Variants in WDPCP observed in about 807,000 individuals in gnomAD.
WDPCP encodes WD repeat-containing and planar cell polarity effector protein fritz homolog.
In WDPCP, 71 loss-of-function variants were observed where a neutral mutation model predicts 93.1. The ratio of observed to expected loss-of-function variants is 0.76; its 90% CI spans 0.63 to 0.93. The LOEUF is 0.93. Among genes scored for constraint, WDPCP ranks in the 40% least tolerant of loss-of-function variants. The probability of loss-of-function intolerance (pLI) is 0.00; values close to 1 mark genes in which losing one functional copy is unlikely to be tolerated. For missense variants in WDPCP, 844 were observed against 887.4 expected (o/e 0.95, Z 0.62); for synonymous variants, 315 against 315.0 (o/e 1.00, Z 0.00).
At chr2:63,435,253 A>G (rs1210689779) in intron 8 of WDPCP, among the ~76,000 whole-genome samples, 1 of 152,126 alleles carries the variant, frequency 6.6e-6, no homozygotes, top group Non-Finnish European at 1.5e-5. Context: ...TTACTCTGCA[A>G]TTTTCTTTGC....
rs200170138 is a variant in WDPCP at position 63,486,575 on chromosome 2, C to G, written c.220G>C (p.Gly74Arg). ...AGCTTCTGCTTCTTTTCTAAGTTAC[C>G]ATGCTCTGTCGCTGATATTGTGGCA... is the stretch of plus-strand genomic sequence containing the variant. ...DKKDPPATEH[G>R]NLEKKQKLAE... Residue 74 changes from glycine (G) to arginine (R), a missense_variant, in exon 4 of 18, where the codon GGT (glycine) becomes CGT (arginine). Physicochemically the swap from Gly to Arg is moderately radical, Grantham distance 125 (BLOSUM62 -2). Coordinates refer to ENST00000272321, the MANE Select transcript of WDPCP (RefSeq NM_015910.7). The G allele has an allele frequency of 4.7e-4, 733 of 1,575,774 alleles. No homozygotes were observed. The highest frequency in any genetic ancestry group is 5.2e-4 in the Non-Finnish European group (603 of 1,157,558).
At chr2:63,571,273 T>C in intron 1 of WDPCP, 1 of 420,156 alleles carries the variant, frequency 2.4e-6, no homozygotes, top group South Asian at 1.8e-5. Flanking sequence ...ATCAGTGTAC[T>C]ATATTTACAT....
intron 2 of WDPCP, among the ~76,000 whole-genome samples, chr2:63,773,153 A>G (rs1177874024): frequency 6.6e-6 from 1 of 152,088 alleles, no homozygotes; most frequent in Non-Finnish European, 1.5e-5. Flanking sequence ...TTACAGCAGC[A>G]TTATTTATAA....
At chr2:63,476,118 T>C (rs1374504082) in intron 6 of WDPCP, among the ~76,000 whole-genome samples, 2 of 152,142 alleles carry the variant, frequency 1.3e-5, no homozygotes, top group African/African-American at 4.8e-5. Context: ...TTGAAATGAT[T>C]TCAGGGCCTC....
chr2:63,392,022 T>C (rs1228100351), intron 10 of WDPCP, among the ~76,000 whole-genome samples: 2 of 152,092 alleles, frequency 1.3e-5, no homozygotes, highest in African/African-American at 4.8e-5. Context: ...CTTCACAGAA[T>C]TGGAAAAAAC....
chr2:63,233,023 A>G (rs1022361312), intron 14 of WDPCP: 4 of 157,022 alleles, frequency 2.5e-5, no homozygotes, highest in African/African-American at 9.7e-5. Flanking sequence ...GCAGCCCCCC[A>G]TGTTGGCATT....
chr2:63,831,662 C>G (rs1671202918), upstream of WDPCP, among the ~76,000 whole-genome samples: 1 of 151,818 alleles, frequency 6.6e-6, no homozygotes, highest in Non-Finnish European at 1.5e-5. Flanking sequence ...TATTAAAACA[C>G]TGCATGGAAT....
At chr2:63,816,678 T>G (rs772515212) in intron 1 of WDPCP, among the ~76,000 whole-genome samples, 1 of 152,180 alleles carries the variant, frequency 6.6e-6, no homozygotes, top group South Asian at 2.1e-4. Context: ...GAGAATAACC[T>G]TTTGTTGTTT....
In WDPCP at chr2:63,323,878, G is replaced by A. The variant is rs116939413; in HGVS notation, c.1749-10567C>T. On this transcript the variant is annotated intron_variant, in intron 12 of 17. Transcript: ENST00000272321. ...CTGCGTCAGGGAGCACAACTATTCCGATCAGCAGGGTCCAGGGACCGTTGC... is the reference window on the plus strand; with the variant it reads ...CTGCGTCAGGGAGCACAACTATTCCAATCAGCAGGGTCCAGGGACCGTTGC... 1.1e-4 allele frequency among the ~76,000 whole-genome samples: 16 copies of A among 152,222 alleles called. No individual in the cohort carries two copies. In the East Asian group the frequency reaches 1.2e-3, roughly 11 times the overall value.
At chr2:63,330,097 A>G (rs1687867423) in intron 12 of WDPCP, among the ~76,000 whole-genome samples, 1 of 152,184 alleles carries the variant, frequency 6.6e-6, no homozygotes, top group East Asian at 1.9e-4. Context: ...TCCTTTTGAC[A>G]TATACCTAGA....
intron 13 of WDPCP, among the ~76,000 whole-genome samples, chr2:63,263,011 C>CTGAT (rs1263719385): frequency 6.6e-6 from 1 of 152,162 alleles, no homozygotes; most frequent in African/African-American, 2.4e-5. Flanking sequence ...CATTTATTTG[C>CTGAT]TGATTCACTT....
At chr2:63,531,974 G>A (rs765129713) in intron 1 of WDPCP, among the ~76,000 whole-genome samples, 5 of 152,138 alleles carry the variant, frequency 3.3e-5, no homozygotes, top group Admixed American at 2.0e-4. Context: ...AAAAAAATTA[G>A]ACGAACAGCT....
At chr2:63,650,602 A>G (rs2106634668) in intron 3 of WDPCP, 1 of 152,338 alleles carries the variant, frequency 6.6e-6, no homozygotes, top group South Asian at 2.1e-4. Flanking sequence ...GGAAGCTGTG[A>G]GTAAAAATTG....
intron 14 of WDPCP, among the ~76,000 whole-genome samples, chr2:63,203,168 T>A (rs556953988): frequency 1.5e-4 from 23 of 152,134 alleles, no homozygotes; most frequent in South Asian, 4.1e-4. Flanking sequence ...TTATTAATTT[T>A]AAAAAAAATT....
At chr2:63,407,592 C>G (rs1309313879) in intron 9 of WDPCP, among the ~76,000 whole-genome samples, 1 of 152,202 alleles carries the variant, frequency 6.6e-6, no homozygotes, top group African/African-American at 2.4e-5. Context: ...CACCTACACA[C>G]TCTGTTTGTC....
chr2:63,215,461 G>A (rs958751069), intron 14 of WDPCP, among the ~76,000 whole-genome samples: 10 of 152,122 alleles, frequency 6.6e-5, no homozygotes, highest in Non-Finnish European at 1.2e-4. Context: ...AATGGGGAAA[G>A]GATTCCCTAT....
chr2:63,552,317 C>T (rs1705739098), intron 1 of WDPCP, among the ~76,000 whole-genome samples: 1 of 151,570 alleles, frequency 6.6e-6, no homozygotes, highest in East Asian at 2.0e-4. Flanking sequence ...GATATATATA[C>T]ACCTACTCTA....
At chr2:63,156,191 C>T (rs1004408766) in intron 15 of WDPCP, among the ~76,000 whole-genome samples, 27 of 151,792 alleles carry the variant, frequency 1.8e-4, no homozygotes, top group Admixed American at 1.4e-3. Flanking sequence ...TTAACAGAGA[C>T]GGTGTTTCAC....
intron 1 of WDPCP, among the ~76,000 whole-genome samples, chr2:63,817,659 C>T (rs568468431): frequency 5.7e-4 from 86 of 152,012 alleles, no homozygotes; most frequent in Non-Finnish European, 1.1e-3. Flanking sequence ...TGACAGAGAC[C>T]AGACAGTCTG....
Sources: gnomAD v4.1 joint callset for allele counts (sites outside exome capture counted in the v4.1 genomes callset) on GRCh38, gnomAD v4.1.1 for gene constraint, MANE v1.5 for transcripts, NCBI Gene and HGNC (gene_info 2026-07-23, HGNC 2026-07-21) for gene names.